IL27RA: variants seen among roughly 807,000 people sequenced by gnomAD.
IL27RA encodes the protein interleukin 27 receptor subunit alpha.
In IL27RA, 61 loss-of-function variants were observed where a neutral mutation model predicts 80.8. The ratio of observed to expected loss-of-function variants is 0.76; its 90% CI spans 0.61 to 0.93. The LOEUF (loss-of-function observed/expected upper bound fraction) is 0.93. Among genes scored for constraint, IL27RA ranks in the 40% least tolerant of loss-of-function variants. IL27RA has a pLI of 0.00. For missense variants in IL27RA, 735 were observed against 808.1 expected, an observed-to-expected ratio of 0.91 and a Z score of 1.10; for synonymous variants, 316 against 332.5, an observed-to-expected ratio of 0.95 and a Z score of 0.54.
chr19:14,041,524 C>T (rs10422404), intron 4 of IL27RA, among the ~76,000 whole-genome samples: 21,179 of 152,172 alleles, frequency 0.14, 3,911 homozygotes, highest in African/African-American at 0.42. Context: ...TGGAATCTGA[C>T]TACCTCAGTG....
At position 14,051,634 on chromosome 19, in the gene IL27RA, C is replaced by A; in HGVS notation, c.1556C>A (p.Pro519Gln). 1 of 1,612,306 alleles carries A rather than the reference C, an allele frequency of 6.2e-7. No individual in the cohort carries two copies. Among genetic ancestry groups the A allele is most frequent in the Non-Finnish European group, 8.5e-7 (1 of 1,178,844 alleles). The change falls in exon 12 of 14, where the codon CCG becomes CAG. Residue 519 changes from proline to glutamine, a missense_variant. Physicochemically the swap from Pro to Gln is moderately conservative, Grantham distance 76. Transcript: ENST00000263379. ...PDNTLRWKVL[P>Q]GILFLWGLFL... ...AACACCCTGAGGTGGAAAGTTCTGC[C>A]GGGCATCCTATTCTTGTGGGGCTTG...
intron 6 of IL27RA, among the ~76,000 whole-genome samples, chr19:14,045,544 T>G (rs1805167659): frequency 6.8e-6 from 1 of 147,192 alleles, no homozygotes. Context: ...GAGCTTGCAG[T>G]GAGCCGAGAT....
chr19:14,037,302 C>T (rs1975917439), intron 2 of IL27RA, among the ~76,000 whole-genome samples: 1 of 151,520 alleles, frequency 6.6e-6, no homozygotes, highest in African/African-American at 2.4e-5. Context: ...ACTCTGTTGC[C>T]CAGGCTGGAG....
Position 14,042,450 on chromosome 19 carries a change from C to T in IL27RA, c.535-3C>T, listed in dbSNP as rs778933266. 5.0e-6 allele frequency: 8 copies of T among 1,613,384 alleles called. No homozygotes were observed. The African/African-American group carries it at 8.0e-5, about 16-fold the overall frequency. ...CCATCACGCTCGCCTGTCTCTCCCCCAGCTGGAACCGGAGCTGAAGACCAT... is the reference window on the plus strand; with the variant it reads ...CCATCACGCTCGCCTGTCTCTCCCCTAGCTGGAACCGGAGCTGAAGACCAT... On this transcript the variant is annotated splice_polypyrimidine_tract_variant and splice_region_variant and intron_variant, in intron 4 of 13. Transcript: ENST00000263379.
At chr19:14,037,127 C>T (rs1331016666) in intron 2 of IL27RA, among the ~76,000 whole-genome samples, 2 of 152,094 alleles carry the variant, frequency 1.3e-5, no homozygotes, top group East Asian at 1.9e-4. Context: ...GCCACCGTGC[C>T]CGGCCCCACA....
intron 2 of IL27RA, among the ~76,000 whole-genome samples, chr19:14,036,359 C>G (rs1173025912): frequency 6.6e-6 from 1 of 151,948 alleles, no homozygotes; most frequent in Non-Finnish European, 1.5e-5. Context: ...TACTCTGCCT[C>G]TAGGAGGAGT....
Position 14,052,234 on chromosome 19 carries a change from C to A in IL27RA, c.1855C>A (p.Pro619Thr). 1 of 1,585,656 alleles carries A rather than the reference C, an allele frequency of 6.3e-7. No individual in the cohort carries two copies. The change falls in exon 14 of 14, where the codon CCC becomes ACC. Residue 619 changes from proline to threonine, a missense_variant. Physicochemically the swap from Pro to Thr is conservative, Grantham distance 38. Transcript: ENST00000263379. ...LDSGYEKHFL[P>T]TPEELGLLGP... ...CTCTGGGTATGAGAAGCACTTCCTG[C>A]CCACACCTGAGGAGCTGGGCCTTCT...
At chr19:14,047,219 T>C (rs1312438498) in intron 8 of IL27RA, among the ~76,000 whole-genome samples, 6 of 150,572 alleles carry the variant, frequency 4.0e-5, no homozygotes, top group Non-Finnish European at 5.9e-5. Context: ...AATTTTTTTT[T>C]TTTTTTTTTA....
At chr19:14,048,951 C>CT in intron 8 of IL27RA, 30 bp from the exon 9 acceptor site, 1 of 1,593,974 alleles carries the variant, frequency 6.3e-7, no homozygotes, top group East Asian at 2.2e-5. Context: ...AGAGCCAACT[C>CT]TAACTGGTCT....
rs368438018 is a variant in IL27RA, at chr19:14,052,322, G to A, written c.*32G>A. The A allele has an allele frequency of 2.7e-4, 393 of 1,440,572 alleles. 2 individuals carry two copies. Among genetic ancestry groups the A allele is most frequent in the Middle Eastern group, 2.3e-4 (1 of 4,366 alleles). 89.2% of individuals were successfully genotyped at this position (1,440,572 alleles called of 1,614,324 possible). On this transcript the variant is annotated 3_prime_UTR_variant, in exon 14 of 14. Coordinates refer to ENST00000263379, the MANE Select transcript of IL27RA (RefSeq NM_004843.4). ...CGTCTGGCTGGGGGCTGCCAGCCAG[G>A]CTAGAGGGATGCTCATGCAGGTTGC...
At chr19:14,045,638 G>A (rs918704378) in intron 6 of IL27RA, among the ~76,000 whole-genome samples, 4 of 151,710 alleles carry the variant, frequency 2.6e-5, no homozygotes, top group Non-Finnish European at 4.4e-5. Context: ...TTTGTCATGG[G>A]TTTTTAGGCA....
intron 11 of IL27RA, 122 bp from the exon 12 acceptor site, chr19:14,051,485 T>C (rs1289211596): frequency 4.8e-6 from 2 of 416,280 alleles, no homozygotes; most frequent in African/African-American, 4.2e-5. Flanking sequence ...GAGGTTGCAG[T>C]GAGCTGAGGT....
intron 6 of IL27RA, 88 bp downstream of exon 6, chr19:14,042,877 G>A (rs1443611675): frequency 2.5e-6 from 3 of 1,205,536 alleles, no homozygotes; most frequent in Non-Finnish European, 3.7e-6. Context: ...AGTGGCTCAC[G>A]CTTGTAATCC....
At chr19:14,033,569 G>C (rs182047518) in intron 2 of IL27RA, among the ~76,000 whole-genome samples, 2 of 151,640 alleles carry the variant, frequency 1.3e-5, no homozygotes, top group East Asian at 3.9e-4. Context: ...GGAGGCTGAG[G>C]TGGGAGGATC....
intron 6 of IL27RA, among the ~76,000 whole-genome samples, chr19:14,045,634 A>G (rs1976053936): frequency 6.6e-6 from 1 of 151,384 alleles, no homozygotes; most frequent in African/African-American, 2.4e-5. Flanking sequence ...TTTGTTTGTC[A>G]TGGGTTTTTA....
chr19:14,039,775 G>T lies in IL27RA; in HGVS notation c.399G>T (p.Leu133=), dbSNP rs1383741342. 1.2e-6 allele frequency: 2 copies of T among 1,613,952 alleles called. No homozygotes were observed. Among genetic ancestry groups the T allele is most frequent in the African/African-American group, 2.7e-5 (2 of 74,926 alleles). The change falls in exon 4 of 14, where the codon CTG becomes CTT. Residue 133 remains leucine (L), a synonymous_variant. Coordinates refer to ENST00000263379, the MANE Select transcript of IL27RA (RefSeq NM_004843.4). ...CAGTGAAGCCAAACGCCCCCCGGCTGGGCCCTGACGTGGACTTTTCCGAGG... is the reference window on the plus strand; with the variant it reads ...CAGTGAAGCCAAACGCCCCCCGGCTTGGCCCTGACGTGGACTTTTCCGAGG... ...ETQMKPNAPR[L]GPDVDFSEDD... is the part of the protein sequence containing the mutation.
chr19:14,032,671 T>TGG (rs1370300949), intron 2 of IL27RA, among the ~76,000 whole-genome samples, 168 bp downstream of exon 2: 1 of 140,500 alleles, frequency 7.1e-6, no homozygotes, highest in South Asian at 2.2e-4. Flanking sequence ...CCAGGGGTGG[T>TGG]GGCGCGCGCC....
At chr19:14,040,152 T>C (rs1411685445) in intron 4 of IL27RA, among the ~76,000 whole-genome samples, 2 of 151,746 alleles carry the variant, frequency 1.3e-5, no homozygotes, top group East Asian at 3.9e-4. Context: ...TCACTTGAGG[T>C]CAAGAGTTCG....
intron 2 of IL27RA, among the ~76,000 whole-genome samples, chr19:14,036,489 CTTTT>C (rs34609073): frequency 5.2e-5 from 7 of 135,362 alleles, no homozygotes; most frequent in Admixed American, 1.5e-4. Context: ...ACAGGATTTC[CTTTT>C]TTTTTTTTTT....
Sources: gnomAD v4.1 joint callset for allele counts (sites outside exome capture counted in the v4.1 genomes callset) on GRCh38, gnomAD v4.1.1 for gene constraint, MANE v1.5 for transcripts, NCBI Gene and HGNC (gene_info 2026-07-23, HGNC 2026-07-21) for gene names.